The following NUF2 variants were observed in gnomAD, a reference collection of about 807,000 sequenced individuals.
The protein encoded by NUF2 is kinetochore protein Nuf2.
In NUF2, 34 loss-of-function variants were observed where a neutral mutation model predicts 61.8. The observed-to-expected ratio is 0.55, with a 90% CI of 0.42 to 0.73. The LOEUF (loss-of-function observed/expected upper bound fraction) is 0.73. Ranked by LOEUF, NUF2 falls within the 30% of genes least tolerant of loss-of-function variation. NUF2 has a pLI of 0.00. For synonymous variants in NUF2, 172 were observed against 181.6 expected (o/e 0.95, Z 0.42); for missense variants, 445 against 539.1 (o/e 0.83, Z 1.73).
intron 6 of NUF2, among the ~76,000 whole-genome samples, chr1:163,337,729 A>G (rs971691939): frequency 3.3e-5 from 5 of 151,974 alleles, no homozygotes; most frequent in Admixed American, 3.3e-4. Context: ...ATAACAAGCT[A>G]TTTTGTGGGT....
At chr1:163,326,696 C>T (rs1650428845) in intron 2 of NUF2, among the ~76,000 whole-genome samples, 1 of 152,078 alleles carries the variant, frequency 6.6e-6, no homozygotes, top group Non-Finnish European at 1.5e-5. Flanking sequence ...CCCAAAGTCT[C>T]CTTCCAGTTT....
At chr1:163,328,101 T>C in intron 3 of NUF2, 127 bp from the exon 4 acceptor site, 1 of 543,082 alleles carries the variant, frequency 1.8e-6, no homozygotes, top group Non-Finnish European at 3.2e-6. Context: ...TCTGCATTTA[T>C]ACTAGGATAT....
At chr1:163,350,158 C>T (rs1291486346) in intron 13 of NUF2, among the ~76,000 whole-genome samples, 12 of 151,812 alleles carry the variant, frequency 7.9e-5, no homozygotes, top group African/African-American at 2.7e-4. Context: ...AAAAATTAGC[C>T]AGGCGTGGTG....
Position 163,345,802 on chromosome 1 carries a change from C to A in NUF2, c.932C>A (p.Ala311Asp). 6.2e-7 allele frequency: 1 copy of A among 1,602,886 alleles called. No homozygotes were observed. Among genetic ancestry groups the A allele is most frequent in the Non-Finnish European group, 8.5e-7 (1 of 1,171,934 alleles). The change falls in exon 11 of 14, where the codon GCC (alanine) becomes GAC (aspartate). Residue 311 changes from alanine to aspartate, a missense_variant. Physicochemically the swap from Ala to Asp is moderately radical, Grantham distance 126 (BLOSUM62 -2). Coordinates refer to ENST00000271452, the MANE Select transcript of NUF2 (RefSeq NM_145697.3). ...QDLSDNREKL[A>D]SILKESLNLE... ...CTTTCAGATAATAGGGAAAAATTAG[C>A]CAGTATCTTAAAGGAGGTTTGTATT...
At chr1:163,322,456 T>C (rs1333450472) in intron 1 of NUF2, among the ~76,000 whole-genome samples, 1 of 152,224 alleles carries the variant, frequency 6.6e-6, no homozygotes, top group African/African-American at 2.4e-5. Flanking sequence ...CAAACGTTTC[T>C]TAACCAAATC....
chr1:163,336,844 AAT>A lies in NUF2; in HGVS notation c.434_435del (p.Tyr145Ter), dbSNP rs1456395725. On this transcript the variant is annotated frameshift_variant and splice_region_variant, in exon 6 of 14. Transcript: ENST00000271452. LOFTEE classifies it high-confidence loss of function. The stretch of plus-strand genomic sequence containing the variant: ...GAAACGTATATGGAATTTCTTTGGC[AAT>A]ATGTAAGATTTAAATATGTTTTGGG... The A allele has an allele frequency of 3.1e-6, 5 of 1,591,844 alleles. No individual in the cohort carries two copies. Among genetic ancestry groups the A allele is most frequent in the Non-Finnish European group, 4.3e-6 (5 of 1,159,998 alleles).
chr1:163,340,381 A>T lies in NUF2; in HGVS notation c.624A>T (p.Gly208=), dbSNP rs755870733. 2.3e-5 allele frequency: 37 copies of T among 1,611,394 alleles called. No homozygotes were observed. Among genetic ancestry groups the T allele is most frequent in the Non-Finnish European group, 3.1e-5 (37 of 1,178,654 alleles). Residue 208 remains glycine (G), a synonymous_variant, in exon 9 of 14, where the codon GGA becomes GGT. Coordinates refer to ENST00000271452, the MANE Select transcript of NUF2 (RefSeq NM_145697.3). The part of the protein sequence containing the change: ...FHQKTIVLQE[G]NSQKKSNISE... ...TCCCTTAGATAGTGCTGCAAGAGGG[A>T]AATTCCCAAAAGAAGTCAAATATTT... is the stretch of plus-strand genomic sequence containing the variant.
rs1249174062 is a variant in NUF2, at chr1:163,355,591, T to G, written c.*122T>G. 4.3e-6 allele frequency: 3 copies of G among 700,308 alleles called. No homozygotes were observed. Among genetic ancestry groups the G allele is most frequent in the Non-Finnish European group, 6.9e-6 (3 of 436,244 alleles). 43.4% of individuals were successfully genotyped at this position (700,308 alleles called of 1,614,324 possible). On this transcript the variant is annotated 3_prime_UTR_variant, in exon 14 of 14. Coordinates refer to ENST00000271452, the MANE Select transcript of NUF2 (RefSeq NM_145697.3). ...AAATAATGTTGGCTTCATCAGTTTTTATACACTCTCATAAGTAGTTAATAA... is the reference window on the plus strand; with the variant it reads ...AAATAATGTTGGCTTCATCAGTTTTGATACACTCTCATAAGTAGTTAATAA...
Position 163,347,813 on chromosome 1 carries a change from A to G in NUF2, c.999A>G (p.Lys333=). Residue 333 remains lysine, a synonymous_variant, in exon 12 of 14, where the codon AAA becomes AAG. Transcript: ENST00000271452. ...AGAGTGATGAGTCAGAACTGAAGAA[A>G]TTGAAGACTGAAGAAAATTCGTTCA... The part of the protein sequence containing the change: ...QIESDESELK[K]LKTEENSFKR... The G allele has an allele frequency of 6.2e-7, 1 of 1,612,060 alleles. No individual in the cohort carries two copies. Among genetic ancestry groups the G allele is most frequent in the South Asian group, 1.1e-5 (1 of 90,474 alleles).
chr1:163,344,332 A>G (rs932164974), intron 10 of NUF2, among the ~76,000 whole-genome samples: 2 of 152,072 alleles, frequency 1.3e-5, no homozygotes, highest in Non-Finnish European at 2.9e-5. Flanking sequence ...TATTAATGGT[A>G]TCAGAAAGAG....
intron 5 of NUF2, among the ~76,000 whole-genome samples, chr1:163,331,179 G>T (rs1650587190): frequency 6.6e-6 from 1 of 151,644 alleles, no homozygotes; most frequent in South Asian, 2.1e-4. Context: ...ATTTTTCTTA[G>T]ATGTTTTTTA....
chr1:163,334,032 A>G (rs1650678459), intron 5 of NUF2, among the ~76,000 whole-genome samples: 1 of 152,044 alleles, frequency 6.6e-6, no homozygotes, highest in Non-Finnish European at 1.5e-5. Context: ...ATGTGTACCC[A>G]TTATTTATTT....
chr1:163,343,049 T>C (rs762221608), intron 9 of NUF2, among the ~76,000 whole-genome samples: 7 of 152,118 alleles, frequency 4.6e-5, no homozygotes, highest in Non-Finnish European at 7.4e-5. Context: ...ATTTCAGACT[T>C]ACAACAAACT....
chr1:163,343,880 C>T lies in NUF2; in HGVS notation c.807+10C>T. The T allele has an allele frequency of 1.5e-6, 2 of 1,377,268 alleles. No homozygotes were observed. Among genetic ancestry groups the T allele is most frequent in the Non-Finnish European group, 1.9e-6 (2 of 1,050,272 alleles). The allele number at this position is 1,377,268 out of a possible 1,614,324, so 85.3% of individuals were successfully genotyped here. A position where few individuals can be genotyped will look rare whatever the true frequency, so the allele number is the denominator to read the frequency against. The stretch of plus-strand genomic sequence containing the variant: ...GCTTAAAAATGCCAGAGTGAGTTTT[C>T]TTTTTATTTTAATGCTTTTGTATCT... On this transcript the variant is annotated intron_variant, in intron 10 of 13. Coordinates refer to ENST00000271452, the MANE Select transcript of NUF2 (RefSeq NM_145697.3).
At chr1:163,343,578 A>C (rs1387051109) in intron 9 of NUF2, among the ~76,000 whole-genome samples, 155 bp from the exon 10 acceptor site, 1 of 152,168 alleles carries the variant, frequency 6.6e-6, no homozygotes, top group Non-Finnish European at 1.5e-5. Flanking sequence ...CCTATAGACA[A>C]ATGTGAGCAA....
Position 163,349,080 on chromosome 1 carries a change from G to T in NUF2, c.1260G>T (p.Gln420His), listed in dbSNP as rs1488666574. The T allele has an allele frequency of 1.9e-6, 3 of 1,600,436 alleles. No homozygotes were observed. The African/African-American group carries it at 4.1e-5, about 22-fold the overall frequency. The part of the protein sequence containing the change: ...DAAEREKLKS[Q>H]EIFLNLKTAL... ...CTGAAAGGGAGAAACTGAAGTCCCA[G>T]GTGAATATGTGTTCATAAGAAGTTA... Residue 420 changes from glutamine to histidine, a missense_variant and splice_region_variant, in exon 13 of 14, where the codon CAG becomes CAT. Transcript: ENST00000271452.
intron 12 of NUF2, among the ~76,000 whole-genome samples, chr1:163,348,452 T>C (rs112240601): frequency 2.1e-4 from 32 of 152,178 alleles, no homozygotes; most frequent in Non-Finnish European, 3.2e-4. Context: ...GCCCCAGATA[T>C]GTCTATAATC....
chr1:163,349,176 G>T, intron 13 of NUF2, 96 bp downstream of exon 13: 1 of 1,018,318 alleles, frequency 9.8e-7, no homozygotes, highest in Non-Finnish European at 1.4e-6. Flanking sequence ...TCTGTGTAAT[G>T]AGACTTTTAA....
chr1:163,351,415 A>T (rs1450619942), intron 13 of NUF2, among the ~76,000 whole-genome samples: 4 of 152,140 alleles, frequency 2.6e-5, no homozygotes, highest in Non-Finnish European at 4.4e-5. Context: ...TTACTTTTTT[A>T]GGTTTTATTT....
Sources: allele counts gnomAD v4.1 joint callset (sites outside exome capture counted in the v4.1 genomes callset), GRCh38; gene constraint gnomAD v4.1.1; transcripts MANE v1.5; gene names NCBI Gene and HGNC (gene_info 2026-07-23, HGNC 2026-07-21).